The following ENOX2 variants were observed in gnomAD, a reference collection of about 807,000 sequenced individuals.
ENOX2 encodes the protein APK1 antigen.
A neutral mutation model predicts 45.0 loss-of-function variants in ENOX2; 36 were observed. The observed-to-expected ratio is 0.80, with a 90% CI of 0.61 to 1.06. The LOEUF is 1.06. ENOX2 is among the 50% of genes least tolerant of loss of function. The probability of loss-of-function intolerance (pLI) is 0.00; values close to 1 mark genes in which losing one functional copy is unlikely to be tolerated. For missense variants in ENOX2, 423 were observed against 462.5 expected (o/e 0.91, Z 0.78); for synonymous variants, 174 against 152.3 (o/e 1.14, Z -1.05).
intron 2 of ENOX2, among the ~76,000 whole-genome samples, chrX:130,835,861 C>T (rs2077920193): frequency 8.9e-6 from 1 of 112,381 alleles, no homozygotes; most frequent in Non-Finnish European, 1.9e-5. Flanking sequence ...TAACTTACAC[C>T]GAAAGCAACT....
chrX:130,776,214 AT>A lies in ENOX2; in HGVS notation c.-39+7332del, dbSNP rs752429970. Among the ~76,000 whole-genome samples the A allele has an allele frequency of 4.0e-3, 443 of 111,668 alleles. 2 individuals are homozygous for A. Among genetic ancestry groups the A allele is most frequent in the African/African-American group, 0.014 (416 of 30,754 alleles). On this transcript the variant is annotated intron_variant, in intron 3 of 14. Coordinates refer to ENST00000394363, the MANE Select transcript of ENOX2 (RefSeq NM_006375.4). ...ATTCAGTTTTACTCACCTAAAACTGATTTTTTTTCCAGACAAATCTTTGCCC... is the reference window on the plus strand; with the variant it reads ...ATTCAGTTTTACTCACCTAAAACTGATTTTTTTCCAGACAAATCTTTGCCC...
At chrX:130,660,509 G>T (rs1163968805) in intron 9 of ENOX2, among the ~76,000 whole-genome samples, 3 of 111,727 alleles carry the variant, frequency 2.7e-5, no homozygotes, top group Non-Finnish European at 5.6e-5. Context: ...ACCCCAGGAA[G>T]GCATTCTACC....
chrX:130,823,023 T>C (rs761758417), intron 2 of ENOX2, among the ~76,000 whole-genome samples: 4 of 111,851 alleles, frequency 3.6e-5, no homozygotes, highest in Admixed American at 9.5e-5. Context: ...ATCTGTAATG[T>C]AAAAGGGTGC....
intron 3 of ENOX2, among the ~76,000 whole-genome samples, chrX:130,746,827 T>C (rs2039107302): frequency 8.9e-6 from 1 of 112,263 alleles, no homozygotes; most frequent in Non-Finnish European, 1.9e-5. Flanking sequence ...TGTCTGTGTG[T>C]CTGTCTGGCA....
chrX:130,674,537 C>T (rs759913638), intron 6 of ENOX2, among the ~76,000 whole-genome samples: 35 of 111,206 alleles, frequency 3.1e-4, no homozygotes, highest in African/African-American at 1.1e-3. Context: ...GTTCAATGAA[C>T]CCCAAGCACG....
chrX:130,629,271 A>G (rs1427294934), intron 13 of ENOX2, among the ~76,000 whole-genome samples: 1 of 112,749 alleles, frequency 8.9e-6, no homozygotes, highest in Non-Finnish European at 1.9e-5. Flanking sequence ...TGTTTGAAGA[A>G]ATTCTAGACG....
intron 2 of ENOX2, among the ~76,000 whole-genome samples, chrX:130,869,260 T>A (rs753279996): frequency 1.5e-4 from 17 of 111,273 alleles, no homozygotes; most frequent in African/African-American, 4.9e-4. Flanking sequence ...CACATCCAGA[T>A]TTATCTTTCA....
intron 3 of ENOX2, among the ~76,000 whole-genome samples, chrX:130,713,176 C>A (rs947386656): frequency 3.8e-4 from 42 of 111,859 alleles, no homozygotes; most frequent in Admixed American, 3.3e-3. Context: ...GAATGCTGAG[C>A]CCAATATCTG....
intron 3 of ENOX2, among the ~76,000 whole-genome samples, chrX:130,732,173 T>C (rs1409335747): frequency 2.7e-5 from 3 of 112,063 alleles, no homozygotes; most frequent in East Asian, 2.8e-4. Context: ...GAAATCAATA[T>C]AGAAAAATCA....
Position 130,631,586 on chromosome X carries a change from C to T in ENOX2, c.1420-10G>A. On this transcript the variant is annotated splice_polypyrimidine_tract_variant and intron_variant, in intron 12 of 14. Coordinates refer to ENST00000394363, the MANE Select transcript of ENOX2 (RefSeq NM_006375.4). ...TAGAAGCACAGCTTTCCTGTGGACA[C>T]AACATGCTTCTAGGTCAGTTCACTT... is the stretch of plus-strand genomic sequence containing the variant. 3.8e-6 allele frequency: 4 copies of T among 1,054,378 alleles called. No homozygotes were observed. Among genetic ancestry groups the T allele is most frequent in the Non-Finnish European group, 5.3e-6 (4 of 752,491 alleles). The allele number at this position is 1,054,378 out of a possible 1,213,427, so 86.9% of individuals were successfully genotyped here.
chrX:130,638,450 A>ACACG (rs1227636242), intron 10 of ENOX2, among the ~76,000 whole-genome samples: 1 of 109,555 alleles, frequency 9.1e-6, no homozygotes, highest in African/African-American at 3.3e-5. Flanking sequence ...ACACACACAC[A>ACACG]CACACACACA....
At chrX:130,672,176 GA>G (rs950358924) in intron 6 of ENOX2, among the ~76,000 whole-genome samples, 1 of 111,907 alleles carries the variant, frequency 8.9e-6, no homozygotes, top group Non-Finnish European at 1.9e-5. Context: ...TGTCTAAGTT[GA>G]AAAAAACATC....
At chrX:130,902,595 G>A (rs2079160354) in intron 1 of ENOX2, among the ~76,000 whole-genome samples, 1 of 109,719 alleles carries the variant, frequency 9.1e-6, no homozygotes, top group Admixed American at 9.6e-5. Context: ...AAGAAAATGG[G>A]GAGTGTAGCG....
intron 3 of ENOX2, among the ~76,000 whole-genome samples, chrX:130,755,693 G>A (rs2039337669): frequency 1.8e-5 from 2 of 110,751 alleles, no homozygotes; most frequent in Non-Finnish European, 3.8e-5. Flanking sequence ...GAAAAATGGG[G>A]TATCCATCCC....
chrX:130,877,312 GT>G (rs1248814806), intron 2 of ENOX2, among the ~76,000 whole-genome samples: 1 of 111,891 alleles, frequency 8.9e-6, no homozygotes, highest in African/African-American at 3.2e-5. Context: ...TAGTCTGCAG[GT>G]TTAAGGGTAG....
At chrX:130,713,998 T>C (rs186115503) in intron 3 of ENOX2, among the ~76,000 whole-genome samples, 248 of 111,144 alleles carry the variant, frequency 2.2e-3, no homozygotes, top group Non-Finnish European at 3.6e-3. Flanking sequence ...AACAGAAGCA[T>C]AAACTTTGTT....
chrX:130,721,457 C>T (rs901003744), intron 3 of ENOX2, among the ~76,000 whole-genome samples: 5 of 112,221 alleles, frequency 4.5e-5, no homozygotes, highest in Middle Eastern at 4.6e-3. Context: ...CTTCAAAAAG[C>T]ATTTTGGATC....
intron 2 of ENOX2, among the ~76,000 whole-genome samples, chrX:130,855,053 T>C (rs145739193): frequency 2.7e-3 from 299 of 111,331 alleles, no homozygotes; most frequent in African/African-American, 9.4e-3. Flanking sequence ...CTGGGAGTTC[T>C]AGCCAGTGCA....
At chrX:130,692,718 TTACAGGCATGCGC>T (rs1234744498) in intron 4 of ENOX2, among the ~76,000 whole-genome samples, 1 of 109,667 alleles carries the variant, frequency 9.1e-6, no homozygotes, top group South Asian at 4.0e-4. Context: ...GTAGCTGGGA[TTACAGGCATGCGC>T]TACCATACCC....
Sources: gnomAD v4.1 joint callset for allele counts (sites outside exome capture counted in the v4.1 genomes callset) on GRCh38, gnomAD v4.1.1 for gene constraint, MANE v1.5 for transcripts, NCBI Gene and HGNC (gene_info 2026-07-23, HGNC 2026-07-21) for gene names.